The following PRLR variants were observed in gnomAD, a reference collection of about 807,000 sequenced individuals.
PRLR encodes prolactin receptor, also known as hPRL receptor.
Under a neutral mutation model 40.2 loss-of-function variants are expected in PRLR, and 13 were observed. That is an observed-to-expected ratio of 0.32 (90% confidence interval 0.21 to 0.51). The LOEUF (loss-of-function observed/expected upper bound fraction) is 0.51. PRLR is among the 20% of genes least tolerant of loss of function. The pLI, the probability that PRLR is intolerant of heterozygous loss-of-function variation, is 0.97. For synonymous variants in PRLR, 269 were observed against 278.7 expected (o/e 0.97, Z 0.35); for missense variants, 656 against 747.3 (o/e 0.88, Z 1.42).
intron 1 of PRLR, among the ~76,000 whole-genome samples, chr5:35,175,642 G>A (rs1356940389): frequency 6.6e-6 from 1 of 152,162 alleles, no homozygotes; most frequent in Non-Finnish European, 1.5e-5. Context: ...ATATTTCAGA[G>A]GTAGTCCTGT....
chr5:35,151,204 T>C (rs575297521), intron 1 of PRLR, among the ~76,000 whole-genome samples: 1 of 152,298 alleles, frequency 6.6e-6, no homozygotes. Context: ...TATAATTCCC[T>C]TCCAGCTGGT....
intron 2 of PRLR, among the ~76,000 whole-genome samples, chr5:35,104,468 T>C (rs1772096012): frequency 6.6e-6 from 1 of 151,958 alleles, no homozygotes; most frequent in Non-Finnish European, 1.5e-5. Context: ...TTCCCTTTAC[T>C]AGCCAAGGGA....
intron 2 of PRLR, among the ~76,000 whole-genome samples, chr5:35,102,028 C>G (rs1201817653): frequency 6.6e-6 from 1 of 151,888 alleles, no homozygotes; most frequent in Admixed American, 6.6e-5. Flanking sequence ...CAGGGTTTCA[C>G]CCTGTTGGCC....
rs371817132 is a variant in PRLR, at chr5:35,089,609, A to G, written c.12T>C (p.Asn4=). The change falls in exon 3 of 10, where the codon AAT becomes AAC. Residue 4 remains asparagine (N), a synonymous_variant. Transcript: ENST00000618457. ...GAGTGAAAACGGTTGCAGATGCCAC[A>G]TTTTCCTTCATGTTGGCTGCCTTCT... MKE[N]VASATVFTLL... is the part of the protein sequence containing the mutation. 1.9e-6 allele frequency: 3 copies of G among 1,614,006 alleles called. No individual in the cohort carries two copies. The highest frequency in any genetic ancestry group is 1.6e-4 in the Middle Eastern group (1 of 6,062).
At chr5:35,167,790 GC>G (rs1235275253) in intron 1 of PRLR, among the ~76,000 whole-genome samples, 2 of 151,874 alleles carry the variant, frequency 1.3e-5, no homozygotes, top group Non-Finnish European at 2.9e-5. Context: ...TACAACAGAG[GC>G]CTAATTAATA....
At chr5:35,147,252 G>C (rs189356883) in intron 1 of PRLR, among the ~76,000 whole-genome samples, 10 of 152,280 alleles carry the variant, frequency 6.6e-5, no homozygotes, top group African/African-American at 2.4e-4. Flanking sequence ...ATCTCCCTGA[G>C]ATTTGCTGCA....
rs574240011 is a variant in PRLR at position 35,153,873 on chromosome 5, A to G, written c.-105-35751T>C. 8.5e-5 allele frequency among the ~76,000 whole-genome samples: 13 copies of G among 152,114 alleles called. No individual in the cohort carries two copies. The South Asian group carries it at 2.1e-3, about 24-fold the overall frequency. On this transcript the variant is annotated intron_variant, in intron 1 of 9. Transcript: ENST00000618457. ...TGATGGGTGCCCATTTGGTCCTGAG[A>G]AGGATCCCAACCCCAAATGTCATCC...
At position 35,154,864 on chromosome 5, in the gene PRLR, AT is replaced by A. The variant is rs766748463; in HGVS notation, c.-105-36743del. Among the ~76,000 whole-genome samples the A allele has an allele frequency of 7.2e-5, 11 of 152,320 alleles. No homozygotes were observed. The East Asian group carries it at 1.7e-3, about 24-fold the overall frequency. ...GACATGGATGGAGCTGAAAGCCATT[AT>A]CCCCAGCGAATTAATGCAGGAACAG... On this transcript the variant is annotated intron_variant, in intron 1 of 9. Transcript: ENST00000618457.
At chr5:35,210,941 G>A (rs897896972) in intron 1 of PRLR, among the ~76,000 whole-genome samples, 2 of 152,074 alleles carry the variant, frequency 1.3e-5, no homozygotes, top group African/African-American at 4.8e-5. Flanking sequence ...CAAACTACTT[G>A]GGTGCAAGCA....
intron 5 of PRLR, among the ~76,000 whole-genome samples, chr5:35,083,649 A>G (rs571974587): frequency 1.3e-5 from 2 of 151,356 alleles, no homozygotes; most frequent in East Asian, 2.0e-4. Flanking sequence ...CCTCCTGAGT[A>G]GCTGGGATTA....
intron 1 of PRLR, chr5:35,135,286 A>G (rs932942376): frequency 6.6e-6 from 1 of 152,262 alleles, no homozygotes; most frequent in Non-Finnish European, 1.5e-5. Flanking sequence ...CACAAACCAG[A>G]TCTCTCAGAC....
intron 1 of PRLR, among the ~76,000 whole-genome samples, chr5:35,191,109 C>T (rs1266607643): frequency 3.0e-5 from 2 of 65,782 alleles, no homozygotes; most frequent in African/African-American, 1.1e-4. Flanking sequence ...CTCGCTCTGT[C>T]GCCCAGGCTG....
At chr5:35,076,194 T>A (rs1770084641) in intron 5 of PRLR, among the ~76,000 whole-genome samples, 1 of 152,342 alleles carries the variant, frequency 6.6e-6, no homozygotes, top group South Asian at 2.1e-4. Context: ...GGAGAATGAC[T>A]TTGACGAGCT....
At chr5:35,140,435 A>G (rs1773986424) in intron 1 of PRLR, among the ~76,000 whole-genome samples, 1 of 152,266 alleles carries the variant, frequency 6.6e-6, no homozygotes, top group Non-Finnish European at 1.5e-5. Context: ...GCCACCAATC[A>G]CATAAATCAT....
intron 1 of PRLR, among the ~76,000 whole-genome samples, chr5:35,190,760 C>T (rs1775579124): frequency 1.3e-5 from 2 of 152,230 alleles, no homozygotes; most frequent in African/African-American, 4.8e-5. Context: ...CTGAGCCCAT[C>T]TTATTCTGCT....
chr5:35,065,193 C>T lies in PRLR; in HGVS notation c.1765G>A (p.Glu589Lys), dbSNP rs1162706891. 1.2e-6 allele frequency: 2 copies of T among 1,614,098 alleles called. No homozygotes were observed. Among genetic ancestry groups the T allele is most frequent in the Non-Finnish European group, 1.7e-6 (2 of 1,180,044 alleles). Residue 589 changes from glutamate (E) to lysine (K), a missense_variant, in exon 10 of 10, where the codon GAG becomes AAG. By Grantham distance (56) the Glu-to-Lys change is moderately conservative. Coordinates refer to ENST00000618457, the MANE Select transcript of PRLR (RefSeq NM_000949.7). ...APPSLEQNQA[E>K]KALANFTATS... is the part of the protein sequence containing the mutation. Reference sequence around the variant, plus strand: ...GCAGTGAAGTTGGCCAGGGCTTTCTCAGCTTGATTCTGTTCAAGTGATGGT... The same window carrying T: ...GCAGTGAAGTTGGCCAGGGCTTTCTTAGCTTGATTCTGTTCAAGTGATGGT...
chr5:35,201,628 C>A (rs1775884429), intron 1 of PRLR, among the ~76,000 whole-genome samples: 5 of 152,198 alleles, frequency 3.3e-5, no homozygotes, highest in Admixed American at 3.3e-4. Context: ...ATAGTAAGCA[C>A]AATTGCAATC....
chr5:35,080,370 A>T (rs1490982021), intron 5 of PRLR, among the ~76,000 whole-genome samples: 3 of 152,210 alleles, frequency 2.0e-5, no homozygotes, highest in Non-Finnish European at 4.4e-5. Flanking sequence ...CCCATCAAAA[A>T]GTTGGTGAAG....
chr5:35,056,758 G>T lies in PRLR; in HGVS notation c.*8331C>A, dbSNP rs1768747315. 6.6e-6 allele frequency: 1 copy of T among 152,264 alleles called. No homozygotes were observed. Among genetic ancestry groups the T allele is most frequent in the African/African-American group, 2.4e-5 (1 of 41,560 alleles). 9.4% of individuals were successfully genotyped at this position (152,264 alleles called of 1,614,324 possible). A position where few individuals can be genotyped will look rare whatever the true frequency, so the allele number is the denominator to read the frequency against. On this transcript the variant is annotated 3_prime_UTR_variant, in exon 10 of 10. Transcript: ENST00000618457. ...AATATAAGAGGGCCCAAGAATTAAA[G>T]GCAGTTGGCTTCAATATAAGCACAG...
Sources: allele counts gnomAD v4.1 joint callset (sites outside exome capture counted in the v4.1 genomes callset), GRCh38; gene constraint gnomAD v4.1.1; transcripts MANE v1.5; gene names NCBI Gene and HGNC (gene_info 2026-07-23, HGNC 2026-07-21).